The following XIRP2 variants were observed in gnomAD, a reference collection of about 807,000 sequenced individuals.
XIRP2 encodes the protein xin actin binding repeat containing 2, also known as xin actin-binding repeat-containing protein 2.
Under a neutral mutation model 277.0 loss-of-function variants are expected in XIRP2, and 236 were observed. The observed-to-expected ratio is 0.85, with a 90% CI of 0.77 to 0.95. The LOEUF is 0.95. Ranked by LOEUF, XIRP2 falls within the 40% of genes least tolerant of loss-of-function variation. The pLI, the probability that XIRP2 is intolerant of heterozygous loss-of-function variation, is 0.00. For synonymous variants in XIRP2, 1,490 were observed against 1,416.5 expected (o/e 1.05, Z -1.17); for missense variants, 4,640 against 4,157.5 (o/e 1.12, Z -3.19).
rs187983240 is a variant in XIRP2 at position 167,061,362 on chromosome 2, T to C, written c.409-74547T>C. Among the ~76,000 whole-genome samples the C allele has an allele frequency of 6.8e-4, 103 of 152,274 alleles. 2 individuals are homozygous for C. In the East Asian group the frequency reaches 0.017, roughly 25 times the overall value. ...TATTTCTTTGCTTTGCCTTATTGCT[T>C]TCATTTAGATCTCCAGTATAATATT... On this transcript the variant is annotated intron_variant, in intron 2 of 10. Coordinates refer to ENST00000409195, the MANE Select transcript of XIRP2 (RefSeq NM_152381.6).
chr2:167,152,334 G>A (rs923397216), intron 3 of XIRP2, among the ~76,000 whole-genome samples: 1 of 151,344 alleles, frequency 6.6e-6, no homozygotes, highest in Non-Finnish European at 1.5e-5. Context: ...AGATTTTGCT[G>A]CCCCCCGCCC....
intron 2 of XIRP2, among the ~76,000 whole-genome samples, chr2:167,051,089 A>G (rs1688901556): frequency 6.6e-6 from 1 of 152,004 alleles, no homozygotes; most frequent in Non-Finnish European, 1.5e-5. Flanking sequence ...CATATTCCAT[A>G]CTGTTCATTT....
intron 2 of XIRP2, among the ~76,000 whole-genome samples, chr2:167,056,478 G>C (rs1240029260): frequency 1.3e-5 from 2 of 152,092 alleles, no homozygotes; most frequent in African/African-American, 2.4e-5. Flanking sequence ...GTAAATATTA[G>C]AAGTTCCCAG....
chr2:166,899,335 T>A (rs1434460399), intron 1 of XIRP2, among the ~76,000 whole-genome samples: 1 of 152,134 alleles, frequency 6.6e-6, no homozygotes, highest in Non-Finnish European at 1.5e-5. Flanking sequence ...GGTTAACTTC[T>A]CCACACATAT....
intron 2 of XIRP2, among the ~76,000 whole-genome samples, chr2:167,101,083 C>T (rs773623466): frequency 6.6e-6 from 1 of 151,938 alleles, no homozygotes; most frequent in Non-Finnish European, 1.5e-5. Flanking sequence ...TGAGAATTAC[C>T]TTACTCATTT....
chr2:166,934,952 AC>A, intron 2 of XIRP2, among the ~76,000 whole-genome samples: 1 of 152,004 alleles, frequency 6.6e-6, no homozygotes. Context: ...AATGGCTTGA[AC>A]CCAGGAGGTG....
chr2:167,253,352 T>C (rs780533608), intron 9 of XIRP2, among the ~76,000 whole-genome samples: 16 of 151,810 alleles, frequency 1.1e-4, no homozygotes, highest in Non-Finnish European at 2.2e-4. Flanking sequence ...GAAAACTACA[T>C]AAGCAGATGC....
chr2:166,972,449 G>A (rs554018093), intron 2 of XIRP2, among the ~76,000 whole-genome samples: 1 of 152,198 alleles, frequency 6.6e-6, no homozygotes, highest in Non-Finnish European at 1.5e-5. Context: ...AGCTAAACAG[G>A]AACTATACCT....
intron 2 of XIRP2, 132 bp downstream of exon 2, chr2:166,904,022 A>G: frequency 9.6e-7 from 1 of 1,043,422 alleles, no homozygotes; most frequent in South Asian, 1.8e-5. Flanking sequence ...TGTGTAATGC[A>G]GTGTGAAATG....
At chr2:167,156,580 C>T (rs1194998445) in intron 3 of XIRP2, among the ~76,000 whole-genome samples, 1 of 152,156 alleles carries the variant, frequency 6.6e-6, no homozygotes, top group Non-Finnish European at 1.5e-5. Flanking sequence ...TGTACTTGCA[C>T]ACTCAGTGCC....
intron 9 of XIRP2, 123 bp downstream of exon 9, chr2:167,252,070 C>A: frequency 7.1e-7 from 1 of 1,412,880 alleles, no homozygotes; most frequent in Non-Finnish European, 9.3e-7. Flanking sequence ...CTAAAACTAA[C>A]AGCTTCCCAT....
intron 8 of XIRP2, 75 bp downstream of exon 8, chr2:167,241,985 G>T (rs2105431931): frequency 1.4e-6 from 2 of 1,452,032 alleles, no homozygotes; most frequent in East Asian, 2.5e-5. Context: ...TCAAATTATT[G>T]AATACTTGAG....
chr2:167,246,285 A>C lies in XIRP2; in HGVS notation c.4893A>C (p.Gly1631=), dbSNP rs777080549. The change falls in exon 9 of 11, where the codon GGA becomes GGC. Residue 1631 remains glycine (G), a synonymous_variant. Coordinates refer to ENST00000409195, the MANE Select transcript of XIRP2 (RefSeq NM_152381.6). ...TTTTGATTAGTGAAGAAGAGAAGGGAAATGTTAATTTGACTAAAACTCAAT... is the reference window on the plus strand; with the variant it reads ...TTTTGATTAGTGAAGAAGAGAAGGGCAATGTTAATTTGACTAAAACTCAAT... ...REILISEEEK[G]NVNLTKTQLL... The C allele has an allele frequency of 1.2e-6, 2 of 1,613,294 alleles. No individual in the cohort carries two copies. The highest frequency in any genetic ancestry group is 1.3e-5 in the African/African-American group (1 of 74,882).
intron 2 of XIRP2, among the ~76,000 whole-genome samples, chr2:167,005,447 G>C (rs761195947): frequency 1.3e-5 from 2 of 151,796 alleles, no homozygotes; most frequent in Non-Finnish European, 2.9e-5. Flanking sequence ...GATGTAAAGG[G>C]ATTAATTAAA....
At chr2:166,978,812 C>A (rs934074715) in intron 2 of XIRP2, among the ~76,000 whole-genome samples, 1 of 152,012 alleles carries the variant, frequency 6.6e-6, no homozygotes, top group Non-Finnish European at 1.5e-5. Context: ...GAGATCCTGT[C>A]TCTACAAAAA....
chr2:167,071,619 CT>C (rs1391875438), intron 2 of XIRP2, among the ~76,000 whole-genome samples: 1 of 152,164 alleles, frequency 6.6e-6, no homozygotes, highest in Non-Finnish European at 1.5e-5. Context: ...GATTTAACTC[CT>C]TGGCCACTTC....
intron 4 of XIRP2, among the ~76,000 whole-genome samples, chr2:167,217,732 T>C (rs1034150748): frequency 6.6e-6 from 1 of 152,152 alleles, no homozygotes; most frequent in East Asian, 1.9e-4. Context: ...GTTTTTGGAG[T>C]AAAAATGATT....
At chr2:167,105,545 A>G (rs1690595444) in intron 2 of XIRP2, among the ~76,000 whole-genome samples, 1 of 151,864 alleles carries the variant, frequency 6.6e-6, no homozygotes, top group Non-Finnish European at 1.5e-5. Context: ...TTGTTTAACT[A>G]TTCACTCCTT....
chr2:166,930,743 G>A (rs981625821), intron 2 of XIRP2, among the ~76,000 whole-genome samples: 1 of 152,144 alleles, frequency 6.6e-6, no homozygotes, highest in African/African-American at 2.4e-5. Context: ...AATAATTGCA[G>A]TTGAAATTCT....
Sources: allele counts gnomAD v4.1 joint callset (sites outside exome capture counted in the v4.1 genomes callset), GRCh38; gene constraint gnomAD v4.1.1; transcripts MANE v1.5; gene names NCBI Gene and HGNC (gene_info 2026-07-23, HGNC 2026-07-21).